Variants in RELL1 observed in about 807,000 individuals in gnomAD.
The protein encoded by RELL1 is RELT-like protein 1.
In RELL1, 10 loss-of-function variants were observed where a neutral mutation model predicts 23.0. That is an observed-to-expected ratio of 0.43 (90% CI 0.27 to 0.74). The LOEUF (loss-of-function observed/expected upper bound fraction) is 0.74, where lower values mean the gene tolerates loss of function less well. RELL1 is among the 30% of genes least tolerant of loss of function. The pLI is 0.19. For missense variants in RELL1, 315 were observed against 364.4 expected (o/e 0.86, Z 1.10); for synonymous variants, 146 against 146.8 (o/e 0.99, Z 0.04).
chr4:37,653,417 C>A (rs73807884), intron 1 of RELL1, among the ~76,000 whole-genome samples: 1,673 of 66,160 alleles, frequency 0.025, 36 homozygotes, highest in African/African-American at 0.089. Context: ...AGTATTGAAA[C>A]CTCAATATTC....
At chr4:37,669,427 C>A (rs1721724888) in intron 1 of RELL1, among the ~76,000 whole-genome samples, 1 of 150,320 alleles carries the variant, frequency 6.7e-6, no homozygotes, top group Non-Finnish European at 1.5e-5. Context: ...CAGCCCCCCA[C>A]CCGGCCAGCC....
At chr4:37,605,367 C>A (rs902412441) in intron 6 of RELL1, among the ~76,000 whole-genome samples, 4 of 152,084 alleles carry the variant, frequency 2.6e-5, no homozygotes, top group African/African-American at 7.2e-5. Flanking sequence ...GGAACCAGGG[C>A]TCCTTGGGTT....
chr4:37,636,513 T>C (rs992242675), intron 4 of RELL1, among the ~76,000 whole-genome samples: 1 of 148,614 alleles, frequency 6.7e-6, no homozygotes, highest in Non-Finnish European at 1.5e-5. Flanking sequence ...GAGAATGGTG[T>C]GAACCCGGAA....
At chr4:37,606,120 AAGG>A (rs1165348692), downstream of RELL1, among the ~76,000 whole-genome samples, 4 of 141,848 alleles carry the variant, frequency 2.8e-5, no homozygotes, top group Non-Finnish European at 6.1e-5. The surrounding 1 kb of genome is among the most constrained non-coding windows in gnomAD (Gnocchi z 4.1). Context: ...GGAGGAGGAG[AAGG>A]AGGAGGAGAA....
At chr4:37,645,606 A>G (rs756539328) in intron 3 of RELL1, among the ~76,000 whole-genome samples, 2 of 152,212 alleles carry the variant, frequency 1.3e-5, no homozygotes, top group Non-Finnish European at 2.9e-5. Flanking sequence ...CAGGAGGGAC[A>G]ATATCGTGTG....
At chr4:37,676,388 C>T (rs965781706) in intron 1 of RELL1, among the ~76,000 whole-genome samples, 5 of 152,090 alleles carry the variant, frequency 3.3e-5, no homozygotes, top group Non-Finnish European at 7.4e-5. Flanking sequence ...GTATAAAGTA[C>T]TATAAAATCA....
At chr4:37,636,420 C>G (rs1720330657) in intron 4 of RELL1, among the ~76,000 whole-genome samples, 2 of 151,910 alleles carry the variant, frequency 1.3e-5, no homozygotes, top group Non-Finnish European at 1.5e-5. Flanking sequence ...ACAATGAAAC[C>G]CCATCTCTAC....
chr4:37,629,648 C>T (rs553217340), intron 6 of RELL1, among the ~76,000 whole-genome samples: 32 of 152,140 alleles, frequency 2.1e-4, no homozygotes, highest in African/African-American at 5.8e-4. Context: ...CAGGAAGAGA[C>T]GCCAGATCTC....
chr4:37,665,339 T>C (rs1273154289), intron 1 of RELL1: 1 of 453,610 alleles, frequency 2.2e-6, no homozygotes, highest in Admixed American at 2.4e-5. Context: ...TATACCAGCA[T>C]GCTCCTGGGT....
Position 37,613,324 on chromosome 4 carries a change from TCTTCAAGTCAAGTCATTGCTG to T in RELL1, c.*4-3_*21del, listed in dbSNP as rs1447225520. 1 of 152,206 alleles carries T rather than the reference TCTTCAAGTCAAGTCATTGCTG, an allele frequency of 6.6e-6. No individual in the cohort carries two copies. Among genetic ancestry groups the T allele is most frequent in the African/African-American group, 2.4e-5 (1 of 41,440 alleles). The allele number at this position is 152,206 out of a possible 1,614,324, so 9.4% of individuals were successfully genotyped here. On this transcript the variant is annotated splice_acceptor_variant and splice_polypyrimidine_tract_variant and 3_prime_UTR_variant and intron_variant, in exon 7 of 7. Transcript: ENST00000454158. LOFTEE classifies it low-confidence loss of function (3UTR_SPLICE). Reference sequence around the variant, plus strand: ...ATATAAGTTTTCAGTCTCTTAGAGCTCTTCAAGTCAAGTCATTGCTGCAAGAGAAAACAAAAAATGTAGATC... The same window carrying T: ...ATATAAGTTTTCAGTCTCTTAGAGCTCAAGAGAAAACAAAAAATGTAGATC...
chr4:37,686,222 C>CG lies in RELL1; in HGVS notation c.65_66insC (p.Ser23GlufsTer60). On this transcript the variant is annotated frameshift_variant, in exon 1 of 7. Transcript: ENST00000454158. LOFTEE classifies it high-confidence loss of function. ...CACCCGGAGCCACCAGCGGCGAACTCACGGCGCCTCCCACGAAGACAGCAG... is the reference window on the plus strand; with the variant it reads ...CACCCGGAGCCACCAGCGGCGAACTCGACGGCGCCTCCCACGAAGACAGCAG... 1 of 1,581,140 alleles carries CG rather than the reference C, an allele frequency of 6.3e-7. No homozygotes were observed. The highest frequency in any genetic ancestry group is 8.5e-7 in the Non-Finnish European group (1 of 1,171,802).
chr4:37,638,455 A>T lies in RELL1; in HGVS notation c.435T>A (p.Asp145Glu). 1 of 1,612,626 alleles carries T rather than the reference A, an allele frequency of 6.2e-7. No homozygotes were observed. Among genetic ancestry groups the T allele is most frequent in the Admixed American group, 1.7e-5 (1 of 59,820 alleles). ...AGGGGAGGAGCACTCACCTTTCAGG[A>T]TCATACAGGCTGTTATCTGCTACCA... ...KAMVADNSLY[D>E]PESPVTPSTP... Residue 145 changes from aspartate to glutamate, a missense_variant, in exon 4 of 7, where the codon GAT becomes GAA. Transcript: ENST00000454158.
intron 5 of RELL1, among the ~76,000 whole-genome samples, chr4:37,632,104 A>AC (rs1553873510): frequency 1.3e-5 from 2 of 150,930 alleles, no homozygotes; most frequent in African/African-American, 4.9e-5. Context: ...AAAAAAAAAA[A>AC]AAAAACACCT....
chr4:37,664,641 TGA>T (rs1423674585), intron 1 of RELL1, among the ~76,000 whole-genome samples: 2 of 152,054 alleles, frequency 1.3e-5, no homozygotes. Context: ...ATCATACACA[TGA>T]GATAGGGACA....
chr4:37,673,179 T>C (rs1721894503), intron 1 of RELL1, among the ~76,000 whole-genome samples: 1 of 97,412 alleles, frequency 1.0e-5, no homozygotes, highest in South Asian at 3.3e-4. Context: ...CTATATACTT[T>C]TTTTTTCTTT....
Position 37,618,867 on chromosome 4 carries a change from T to TTTTTCTTTTCTTTTC in RELL1, c.*4-5540_*4-5526dup, listed in dbSNP as rs148419339. On this transcript the variant is annotated intron_variant, in intron 6 of 6. Coordinates refer to ENST00000454158, the MANE Select transcript of RELL1 (RefSeq NM_001085400.2). ...TGATTTTTGTTTGGTTGGTTGGTCGTTTTTCTTTTCTTTTCTTTTCTTTTC... is the reference window on the plus strand; with the variant it reads ...TGATTTTTGTTTGGTTGGTTGGTCGTTTTTCTTTTCTTTTCTTTTCTTTTCTTTTCTTTTCTTTTC... Among the ~76,000 whole-genome samples the TTTTTCTTTTCTTTTC allele has an allele frequency of 2.5e-4, 38 of 150,774 alleles. No homozygotes were observed. The South Asian group carries it at 4.0e-3, about 16-fold the overall frequency.
chr4:37,641,132 A>G (rs1720517288), intron 3 of RELL1, among the ~76,000 whole-genome samples: 1 of 152,214 alleles, frequency 6.6e-6, no homozygotes, highest in Admixed American at 6.5e-5. Flanking sequence ...TCGGTTATTC[A>G]TGAATTCCTG....
At chr4:37,676,466 A>C (rs1240543328) in intron 1 of RELL1, among the ~76,000 whole-genome samples, 2 of 152,338 alleles carry the variant, frequency 1.3e-5, no homozygotes, top group East Asian at 3.9e-4. Flanking sequence ...AGCTGAGTTT[A>C]GTTTGTCTTT....
chr4:37,662,163 A>T (rs1343058795), intron 1 of RELL1, among the ~76,000 whole-genome samples: 1 of 152,192 alleles, frequency 6.6e-6, no homozygotes, highest in Non-Finnish European at 1.5e-5. Context: ...TTCCCCAATA[A>T]AACGTGCAGA....
Sources: gnomAD v4.1 joint callset for allele counts (sites outside exome capture counted in the v4.1 genomes callset) on GRCh38, gnomAD v4.1.1 for gene constraint, Gnocchi (gnomAD v3.1) non-coding constraint, MANE v1.5 for transcripts, NCBI Gene and HGNC (gene_info 2026-07-23, HGNC 2026-07-21) for gene names.